The following MAX variants were observed in gnomAD, a reference collection of about 807,000 sequenced individuals.
The protein encoded by MAX is MYC associated transcriptional regulator X.
In MAX, 3 loss-of-function variants were observed where a neutral mutation model predicts 22.3. The ratio of observed to expected loss-of-function variants is 0.13; its 90% confidence interval spans 0.06 to 0.35. The LOEUF (loss-of-function observed/expected upper bound fraction) is 0.35, where lower values mean the gene tolerates loss of function less well. MAX is among the 10% of genes least tolerant of loss of function. The pLI, the probability that MAX is intolerant of heterozygous loss-of-function variation, is 1.00. For missense variants in MAX, 119 were observed against 209.4 expected, an observed-to-expected ratio of 0.57 and a Z score of 2.66; for synonymous variants, 72 against 77.7, an observed-to-expected ratio of 0.93 and a Z score of 0.39.
rs572906971 is a variant in MAX at position 65,007,176 on chromosome 14, A to G, written c.172-892T>C. On this transcript the variant is annotated intron_variant, in intron 3 of 3. Transcript: ENST00000341653. This position sits in a 1 kb window ranked among gnomAD's most constrained non-coding sequence, Gnocchi z 4.9. ...CTGAAGGCAAACATCACCATCATAG[A>G]ATAAGCGAGGATATAAGAATAAATT... 6.6e-6 allele frequency among the ~76,000 whole-genome samples: 1 copy of G among 152,246 alleles called. No homozygotes were observed. The highest frequency in any genetic ancestry group is 1.5e-5 in the Non-Finnish European group (1 of 68,048).
intron 3 of MAX, chr14:65,083,831 A>G (rs2063255629): frequency 8.6e-7 from 1 of 1,166,286 alleles, no homozygotes; most frequent in Non-Finnish European, 1.1e-6. Flanking sequence ...AAGCTTTTAC[A>G]CATATGAAGG....
chr14:65,096,529 G>A (rs563451988), intron 2 of MAX, among the ~76,000 whole-genome samples: 23 of 152,046 alleles, frequency 1.5e-4, no homozygotes, highest in African/African-American at 5.1e-4. Flanking sequence ...AACACTGCCC[G>A]CGCCTCATCC....
At chr14:65,050,311 G>A (rs1388857405) in intron 3 of MAX, among the ~76,000 whole-genome samples, 1 of 152,180 alleles carries the variant, frequency 6.6e-6, no homozygotes, top group Non-Finnish European at 1.5e-5. Flanking sequence ...AGTAACTAAA[G>A]CTGGCCGGGC....
intron 2 of MAX, 62 bp downstream of exon 2, chr14:65,101,484 T>C: frequency 7.0e-7 from 1 of 1,421,658 alleles, no homozygotes; most frequent in South Asian, 1.2e-5. Flanking sequence ...TTTTTCTCTC[T>C]GACCCCAAAA....
chr14:65,063,107 G>A (rs1240145508), intron 3 of MAX, among the ~76,000 whole-genome samples: 1 of 152,212 alleles, frequency 6.6e-6, no homozygotes, highest in Non-Finnish European at 1.5e-5. Context: ...GAACATGGAT[G>A]TCCTGTGGCC....
rs12588412 is a variant in MAX, at chr14:65,078,568, T to C, written c.172-532A>G. On this transcript the variant is annotated intron_variant, in intron 3 of 4. Transcript: ENST00000358664. This position sits in a 1 kb window ranked among gnomAD's most constrained non-coding sequence, Gnocchi z 6.4. Reference sequence around the variant, plus strand: ...TTTTGGAGACGTAGTCTCGCTCTGTTGCCCAGGCTGGAGTAGAGTGGTGTG... The same window carrying C: ...TTTTGGAGACGTAGTCTCGCTCTGTCGCCCAGGCTGGAGTAGAGTGGTGTG... Among the ~76,000 whole-genome samples the C allele has an allele frequency of 0.1, 15,795 of 151,120 alleles. 1,876 individuals are homozygous for C. Among genetic ancestry groups the C allele is most frequent in the African/African-American group, 0.28 (11,574 of 40,902 alleles).
chr14:65,097,375 C>T (rs1291355593), intron 2 of MAX, among the ~76,000 whole-genome samples: 1 of 152,214 alleles, frequency 6.6e-6, no homozygotes, highest in Admixed American at 6.5e-5. Context: ...TTCAAGGCAT[C>T]ACATCAGTCA....
intron 3 of MAX, chr14:65,040,975 G>A (rs1241425786): frequency 1.0e-5 from 16 of 1,595,548 alleles, no homozygotes; most frequent in African/African-American, 2.7e-5. Context: ...TGATGTGATT[G>A]TACTCAGACA....
At position 65,026,873 on chromosome 14, in the gene MAX, C is replaced by A. The variant is rs538659267; in HGVS notation, c.172-20589G>T. On this transcript the variant is annotated intron_variant, in intron 3 of 3. Coordinates refer to the MAX transcript ENST00000341653. Reference sequence around the variant, plus strand: ...GGCAACCCCGCCTCAAAAAAAAAAACAAAAAAACAAAACTTGCTTCTTACT... The same window carrying A: ...GGCAACCCCGCCTCAAAAAAAAAAAAAAAAAAACAAAACTTGCTTCTTACT... Among the ~76,000 whole-genome samples, 768 of 150,942 alleles carry A rather than the reference C, an allele frequency of 5.1e-3. 9 individuals are homozygous for A. Among genetic ancestry groups the A allele is most frequent in the East Asian group, 0.036 (184 of 5,110 alleles).
In MAX at chr14:65,048,974, A is replaced by G. The variant is rs555247229; in HGVS notation, c.172-42690T>C. Among the ~76,000 whole-genome samples, 253 of 152,224 alleles carry G rather than the reference A, an allele frequency of 1.7e-3. 2 individuals carry two copies. Among genetic ancestry groups the G allele is most frequent in the African/African-American group, 5.5e-3 (227 of 41,526 alleles). ...ACCCCATCTCTACTAAAGATACAAA[A>G]AATTAGCCAGGCATGGTGCCACGTT... On this transcript the variant is annotated intron_variant, in intron 3 of 3. Transcript: ENST00000341653.
In MAX at chr14:65,077,797, A is replaced by G. The variant is rs756580420; in HGVS notation, c.295+116T>C. 6.2e-7 allele frequency: 1 copy of G among 1,614,032 alleles called. No homozygotes were observed. The highest frequency in any genetic ancestry group is 1.1e-5 in the South Asian group (1 of 91,078). Reference sequence around the variant, plus strand: ...ACTCAGGCCCCAAGAAGCAGGACCAAGCCTGCTACTGAGCACATACTCCAT... The same window carrying G: ...ACTCAGGCCCCAAGAAGCAGGACCAGGCCTGCTACTGAGCACATACTCCAT... On this transcript the variant is annotated intron_variant, in intron 4 of 4. Coordinates refer to ENST00000358664, the MANE Select transcript of MAX (RefSeq NM_002382.5). This position sits in a 1 kb window ranked among gnomAD's most constrained non-coding sequence, Gnocchi z 6.3.
chr14:65,069,750 C>G lies in MAX; in HGVS notation c.171+23958G>C, dbSNP rs185905647. ...AACAAGTGCACAGACCAGCCACTGA[C>G]TCTGTGGGGGCTCCCAGTTGGAAAT... is the stretch of plus-strand genomic sequence containing the variant. On this transcript the variant is annotated intron_variant, in intron 3 of 3. Transcript: ENST00000341653. This position sits in a 1 kb window ranked among gnomAD's most constrained non-coding sequence, Gnocchi z 4.6. Among the ~76,000 whole-genome samples, 27 of 152,388 alleles carry G rather than the reference C, an allele frequency of 1.8e-4. No homozygotes were observed. The highest frequency in any genetic ancestry group is 6.5e-4 in the African/African-American group (27 of 41,604).
intron 3 of MAX, among the ~76,000 whole-genome samples, chr14:65,060,205 GAA>G (rs2062830721): frequency 6.7e-6 from 1 of 148,908 alleles, no homozygotes; most frequent in Non-Finnish European, 1.5e-5. Flanking sequence ...ATATAAAAAA[GAA>G]AATGAAAAAC....
intron 3 of MAX, among the ~76,000 whole-genome samples, chr14:65,064,395 G>A (rs754235259): frequency 3.9e-5 from 6 of 152,166 alleles, no homozygotes; most frequent in Non-Finnish European, 8.8e-5. Context: ...GACTCAAACT[G>A]CAGAGTCCAG....
At chr14:65,040,198 C>T (rs1366037768) in intron 3 of MAX, among the ~76,000 whole-genome samples, 2 of 151,404 alleles carry the variant, frequency 1.3e-5, no homozygotes, top group African/African-American at 2.4e-5. Flanking sequence ...TAAAAGATCA[C>T]TAGAATCAAC....
intron 3 of MAX, among the ~76,000 whole-genome samples, chr14:65,063,370 TAGA>T (rs990618640): frequency 2.1e-4 from 32 of 152,156 alleles, no homozygotes; most frequent in African/African-American, 7.7e-4. Flanking sequence ...ATGTGGTTAA[TAGA>T]AGGGATTGCT....
At position 65,032,430 on chromosome 14, in the gene MAX, A is replaced by G. The variant is rs141074110; in HGVS notation, c.172-26146T>C. The stretch of plus-strand genomic sequence containing the variant: ...CTGAAGCCATGCCGTGAGCAACTCT[A>G]TCCAAATAGAATGTCACACCTCTCA... On this transcript the variant is annotated intron_variant, in intron 3 of 3. Transcript: ENST00000341653. The surrounding 1 kb of genome is among the most constrained non-coding windows in gnomAD (Gnocchi z 5.0). 7 of 534,798 alleles carry G rather than the reference A, an allele frequency of 1.3e-5. No individual in the cohort carries two copies. The highest frequency in any genetic ancestry group is 1.2e-4 in the African/African-American group (6 of 50,972). The allele number at this position is 534,798 out of a possible 1,614,324, so 33.1% of individuals were successfully genotyped here.
chr14:65,054,722 C>G lies in MAX; in HGVS notation c.171+38986G>C. 2 of 1,574,228 alleles carry G rather than the reference C, an allele frequency of 1.3e-6. No homozygotes were observed. Among genetic ancestry groups the G allele is most frequent in the Non-Finnish European group, 1.7e-6 (2 of 1,157,648 alleles). ...GGGTGCAGGGCTTCACACCCCTTCTCCACAGGGACCTCGCGGACAGAAGGC... is the reference window on the plus strand; with the variant it reads ...GGGTGCAGGGCTTCACACCCCTTCTGCACAGGGACCTCGCGGACAGAAGGC... On this transcript the variant is annotated intron_variant, in intron 3 of 3. Transcript: ENST00000341653. The surrounding 1 kb of genome is among the most constrained non-coding windows in gnomAD (Gnocchi z 4.4).
At chr14:65,073,401 T>C (rs995659681), downstream of MAX, among the ~76,000 whole-genome samples, 3 of 152,234 alleles carry the variant, frequency 2.0e-5, no homozygotes, top group African/African-American at 4.8e-5. Context: ...TTAGATTCTT[T>C]ACCTAAGAAG....
Sources: allele counts gnomAD v4.1 joint callset (sites outside exome capture counted in the v4.1 genomes callset), GRCh38; gene constraint gnomAD v4.1.1; non-coding constraint Gnocchi (gnomAD v3.1); transcripts MANE v1.5; gene names NCBI Gene and HGNC (gene_info 2026-07-23, HGNC 2026-07-21).